KCMF1: variants seen among roughly 807,000 people sequenced by gnomAD.
KCMF1 encodes E3 ubiquitin-protein ligase KCMF1.
A neutral mutation model predicts 41.1 loss-of-function variants in KCMF1; 3 were observed. The ratio of observed to expected loss-of-function variants is 0.07; its 90% CI spans 0.03 to 0.19. The LOEUF (loss-of-function observed/expected upper bound fraction) is 0.19, where lower values mean the gene tolerates loss of function less well. Among genes scored for constraint, KCMF1 ranks in the 10% least tolerant of loss-of-function variants. The pLI is 1.00. For missense variants in KCMF1, 286 were observed against 488.9 expected, an observed-to-expected ratio of 0.58 and a Z score of 3.91; for synonymous variants, 142 against 164.5, an observed-to-expected ratio of 0.86 and a Z score of 1.04.
intron 1 of KCMF1, among the ~76,000 whole-genome samples, chr2:84,979,417 G>A (rs534723749): frequency 4.0e-5 from 6 of 151,752 alleles, no homozygotes; most frequent in African/African-American, 7.3e-5. Flanking sequence ...CCAGCTACTC[G>A]GGAGGCTGAG....
At chr2:84,995,648 G>A (rs2103982967) in intron 1 of KCMF1, among the ~76,000 whole-genome samples, 1 of 152,116 alleles carries the variant, frequency 6.6e-6, no homozygotes, top group African/African-American at 2.4e-5. Context: ...TTATTCATTA[G>A]AATTCTTTTA....
chr2:85,034,907 C>A, intron 2 of KCMF1, 109 bp from the exon 3 acceptor site: 1 of 922,174 alleles, frequency 1.1e-6, no homozygotes, highest in Non-Finnish European at 1.6e-6. Context: ...CAGGCATGAA[C>A]CACTGCTCCT....
chr2:85,015,203 C>G (rs113264270), intron 1 of KCMF1, among the ~76,000 whole-genome samples: 6 of 151,638 alleles, frequency 4.0e-5, no homozygotes, highest in Non-Finnish European at 5.9e-5. Context: ...CATTAATCCC[C>G]CCCGCTTTCC....
At chr2:84,977,682 G>A (rs976688731) in intron 1 of KCMF1, among the ~76,000 whole-genome samples, 52 of 151,696 alleles carry the variant, frequency 3.4e-4, no homozygotes, top group African/African-American at 1.2e-3. Context: ...CTCAGCTCTC[G>A]AGTACTGGGA....
At chr2:85,004,825 C>CTATTTATTTATT (rs555917547) in intron 1 of KCMF1, among the ~76,000 whole-genome samples, 3 of 151,660 alleles carry the variant, frequency 2.0e-5, no homozygotes, top group African/African-American at 7.3e-5. Flanking sequence ...GACTGTAGGC[C>CTATTTATTTATT]TATTTATTTA....
intron 4 of KCMF1, 50 bp from the exon 5 acceptor site, chr2:85,046,051 ATTT>A: frequency 1.4e-6 from 2 of 1,459,298 alleles, no homozygotes. Context: ...GACTCAGGTG[ATTT>A]TTTTTCTTTC....
At chr2:85,027,848 C>T (rs927714515) in intron 1 of KCMF1, 41 bp from the exon 2 acceptor site, 5 of 1,286,480 alleles carry the variant, frequency 3.9e-6, no homozygotes, top group Non-Finnish European at 5.4e-6. Flanking sequence ...TCAAGAGTGG[C>T]CTTTACAACT....
At chr2:85,034,008 C>CTT (rs2104039166) in intron 2 of KCMF1, among the ~76,000 whole-genome samples, 1 of 150,268 alleles carries the variant, frequency 6.7e-6, no homozygotes, top group Non-Finnish European at 1.5e-5. Flanking sequence ...CATGGTGGGA[C>CTT]CCCATCTTTC....
chr2:85,017,191 A>AT (rs1203030083), intron 1 of KCMF1, among the ~76,000 whole-genome samples: 1 of 150,206 alleles, frequency 6.7e-6, no homozygotes, highest in Non-Finnish European at 1.5e-5. Flanking sequence ...CGCCCGGCTA[A>AT]TTTTTTTTGT....
chr2:85,052,993 CAATT>C (rs1675843544), intron 6 of KCMF1, among the ~76,000 whole-genome samples, 151 bp from the exon 7 acceptor site: 1 of 152,112 alleles, frequency 6.6e-6, no homozygotes, highest in Non-Finnish European at 1.5e-5. Flanking sequence ...CGTCTCAACA[CAATT>C]AAGGATAAAT....
At position 85,056,213 on chromosome 2, in the gene KCMF1, C is replaced by T. The variant is rs1675925646; in HGVS notation, c.*2804C>T. The stretch of plus-strand genomic sequence containing the variant: ...AGGTAAAGTAAGAGAAAACTTCTCT[C>T]CCTGTGGCCCCCAGAGAAATGAAGT... On this transcript the variant is annotated 3_prime_UTR_variant, in exon 7 of 7. Transcript: ENST00000409785. 1 of 152,096 alleles carries T rather than the reference C, an allele frequency of 6.6e-6. No homozygotes were observed. 9.4% of individuals were successfully genotyped at this position (152,096 alleles called of 1,614,324 possible).
At chr2:85,036,365 T>A (rs1675403341) in intron 3 of KCMF1, among the ~76,000 whole-genome samples, 1 of 152,212 alleles carries the variant, frequency 6.6e-6, no homozygotes, top group African/African-American at 2.4e-5. Flanking sequence ...GAATCCTAAC[T>A]CAGTTGCATC....
rs1182463477 is a variant in KCMF1 at position 85,034,668 on chromosome 2, T to C, written c.185-348T>C. 2.6e-5 allele frequency among the ~76,000 whole-genome samples: 4 copies of C among 152,146 alleles called. No homozygotes were observed. The South Asian group carries it at 8.3e-4, about 32-fold the overall frequency. ...TTGAATATTTTAGGCACACTTTCTT[T>C]TGGAGTGCAGTGGCATGATCTCGGC... is the stretch of plus-strand genomic sequence containing the variant. On this transcript the variant is annotated intron_variant, in intron 2 of 6. Coordinates refer to ENST00000409785, the MANE Select transcript of KCMF1 (RefSeq NM_020122.5).
intron 1 of KCMF1, among the ~76,000 whole-genome samples, chr2:85,024,403 G>A (rs1299969575): frequency 6.6e-6 from 1 of 152,162 alleles, no homozygotes; most frequent in African/African-American, 2.4e-5. Context: ...AACCCAGGAG[G>A]CGGAGGTTGC....
At chr2:85,039,882 G>A (rs1006778837) in intron 3 of KCMF1, among the ~76,000 whole-genome samples, 13 of 152,084 alleles carry the variant, frequency 8.5e-5, no homozygotes, top group Middle Eastern at 3.4e-3. Flanking sequence ...GTGCGATCTC[G>A]GCTCACTGCA....
rs1489640897 is a variant in KCMF1, at chr2:85,054,123, T to C, written c.*714T>C. The C allele has an allele frequency of 1.3e-5, 2 of 152,216 alleles. No homozygotes were observed. The highest frequency in any genetic ancestry group is 2.9e-5 in the Non-Finnish European group (2 of 68,032). 9.4% of individuals were successfully genotyped at this position (152,216 alleles called of 1,614,324 possible). A position where few individuals can be genotyped will look rare whatever the true frequency, so the allele number is the denominator to read the frequency against. On this transcript the variant is annotated 3_prime_UTR_variant, in exon 7 of 7. Transcript: ENST00000409785. Reference sequence around the variant, plus strand: ...GAAGACACACCAGTAAAGCTACTGTTGGAATCTGCTGCAGGGGCCTTTGTG... The same window carrying C: ...GAAGACACACCAGTAAAGCTACTGTCGGAATCTGCTGCAGGGGCCTTTGTG...
At chr2:85,040,825 A>G (rs570747986) in intron 3 of KCMF1, among the ~76,000 whole-genome samples, 1 of 146,950 alleles carries the variant, frequency 6.8e-6, no homozygotes, top group African/African-American at 2.5e-5. Context: ...CAGTGGTGCG[A>G]TCTTGGCTCA....
Position 85,017,984 on chromosome 2 carries a change from T to TA in KCMF1, c.17-9904dup, listed in dbSNP as rs1334586386. On this transcript the variant is annotated intron_variant, in intron 1 of 6. Transcript: ENST00000409785. ...TCATTTGTTTTACAGAACTGCTAAA[T>TA]ACAAGATATATGCTGATAATATGAA... is the stretch of plus-strand genomic sequence containing the variant. Among the ~76,000 whole-genome samples, 6 of 152,334 alleles carry TA rather than the reference T, an allele frequency of 3.9e-5. No homozygotes were observed. In the East Asian group the frequency reaches 1.2e-3, roughly 29 times the overall value.
At chr2:85,035,984 C>T (rs935606712) in intron 3 of KCMF1, among the ~76,000 whole-genome samples, 1 of 152,146 alleles carries the variant, frequency 6.6e-6, no homozygotes, top group Non-Finnish European at 1.5e-5. Flanking sequence ...AATAAAGTAG[C>T]ATGCTCAAGG....
Sources: allele counts gnomAD v4.1 joint callset (sites outside exome capture counted in the v4.1 genomes callset), GRCh38; gene constraint gnomAD v4.1.1; transcripts MANE v1.5; gene names NCBI Gene and HGNC (gene_info 2026-07-23, HGNC 2026-07-21).